Variants in YTHDF3 observed in about 807,000 individuals in gnomAD.
YTHDF3 encodes the protein YTH domain-containing family protein 3.
Under a neutral mutation model 52.5 loss-of-function variants are expected in YTHDF3, and 9 were observed. That is an observed-to-expected ratio of 0.17 (90% CI 0.10 to 0.30). The LOEUF is 0.30. YTHDF3 is among the 10% of genes least tolerant of loss of function. The pLI, the probability that YTHDF3 is intolerant of heterozygous loss-of-function variation, is 1.00. For missense variants in YTHDF3, 534 were observed against 715.0 expected (o/e 0.75, Z 2.89); for synonymous variants, 274 against 243.3 (o/e 1.13, Z -1.18).
chr8:63,169,444 A>G (rs1472438352), intron 2 of YTHDF3, 33 bp downstream of exon 2: 1 of 1,568,676 alleles, frequency 6.4e-7, no homozygotes, highest in Admixed American at 1.9e-5. Context: ...CTTATTGCTC[A>G]ATGTTGCCTT....
At chr8:63,169,113 C>T in intron 1 of YTHDF3, 3 of 1,394,274 alleles carry the variant, frequency 2.2e-6, no homozygotes, top group Non-Finnish European at 2.8e-6. Context: ...CGGGTGGGGG[C>T]AAGGACCGGT....
chr8:63,201,545 C>A (rs1809644794), intron 4 of YTHDF3, among the ~76,000 whole-genome samples: 1 of 152,118 alleles, frequency 6.6e-6, no homozygotes, highest in Non-Finnish European at 1.5e-5. Context: ...TTGAGTTAAT[C>A]ATTTTCATTG....
At chr8:63,174,963 A>G (rs1807587322) in intron 2 of YTHDF3, among the ~76,000 whole-genome samples, 1 of 152,180 alleles carries the variant, frequency 6.6e-6, no homozygotes, top group African/African-American at 2.4e-5. Context: ...ATTGCCTACA[A>G]CGCTACTTGA....
At chr8:63,175,546 G>A (rs1807629378) in intron 3 of YTHDF3, 130 bp downstream of exon 3, 3 of 673,264 alleles carry the variant, frequency 4.5e-6, no homozygotes, top group Non-Finnish European at 7.5e-6. Context: ...TATATAGTAA[G>A]TGAGTAGTGA....
chr8:63,173,223 T>TATATATATATATATCTA (rs1554533399), intron 2 of YTHDF3, among the ~76,000 whole-genome samples: 1 of 144,016 alleles, frequency 6.9e-6, no homozygotes, highest in Admixed American at 7.0e-5. Context: ...TACAGATAAA[T>TATATATATATATATCTA]TTTAAGTAAG....
At chr8:63,173,314 G>A (rs1807469589) in intron 2 of YTHDF3, among the ~76,000 whole-genome samples, 1 of 149,532 alleles carries the variant, frequency 6.7e-6, no homozygotes, top group Non-Finnish European at 1.5e-5. Flanking sequence ...CATAATCATA[G>A]CTCAGTGTAA....
chr8:63,190,296 C>T (rs1808831624), intron 4 of YTHDF3, among the ~76,000 whole-genome samples: 1 of 150,674 alleles, frequency 6.6e-6, no homozygotes. Context: ...AATCACCCTT[C>T]TGTGTCTTTT....
chr8:63,192,714 G>A (rs906658603), intron 4 of YTHDF3, among the ~76,000 whole-genome samples: 15 of 151,972 alleles, frequency 9.9e-5, no homozygotes, highest in African/African-American at 3.6e-4. Flanking sequence ...GGTCATTTTA[G>A]TGCTGAAGGA....
In YTHDF3 at chr8:63,186,193, A is replaced by G; in HGVS notation, c.182A>G (p.Tyr61Cys). 1 of 1,614,002 alleles carries G rather than the reference A, an allele frequency of 6.2e-7. No homozygotes were observed. The highest frequency in any genetic ancestry group is 8.5e-7 in the Non-Finnish European group (1 of 1,179,872). The change falls in exon 4 of 5, where the codon TAT becomes TGT. Residue 61 changes from tyrosine (Y) to cysteine (C), a missense_variant. Transcript: ENST00000539294. Reference sequence around the variant, plus strand: ...TCAGATCCATACATGCCTAGTTACTATGCTCCATCCATTGGATTTCCATAT... The same window carrying G: ...TCAGATCCATACATGCCTAGTTACTGTGCTCCATCCATTGGATTTCCATAT... ...PMSDPYMPSY[Y>C]APSIGFPYSL...
At chr8:63,204,287 C>T (rs1033047197) in intron 4 of YTHDF3, among the ~76,000 whole-genome samples, 1 of 151,870 alleles carries the variant, frequency 6.6e-6, no homozygotes, top group Non-Finnish European at 1.5e-5. Flanking sequence ...GACCATTTCT[C>T]CCTTAATTAA....
At chr8:63,185,872 C>T (rs1308715944) in intron 3 of YTHDF3, among the ~76,000 whole-genome samples, 2 of 152,130 alleles carry the variant, frequency 1.3e-5, no homozygotes, top group East Asian at 1.9e-4. Context: ...GAGGGCCTGG[C>T]TCTTCAAACA....
At chr8:63,199,131 TTTG>T (rs1323903566) in intron 4 of YTHDF3, among the ~76,000 whole-genome samples, 3 of 152,180 alleles carry the variant, frequency 2.0e-5, no homozygotes, top group Admixed American at 6.5e-5. Context: ...AACATATTGA[TTTG>T]TTTTTATTTT....
At chr8:63,194,372 C>T (rs1809102446) in intron 4 of YTHDF3, among the ~76,000 whole-genome samples, 2 of 152,172 alleles carry the variant, frequency 1.3e-5, no homozygotes, top group South Asian at 4.1e-4. Context: ...GTAATCCCAT[C>T]TACTCGGGAG....
upstream of YTHDF3, chr8:63,168,609 C>T (rs2129930394): frequency 1.0e-5 from 6 of 595,526 alleles, no homozygotes; most frequent in South Asian, 9.9e-5. Context: ...CAGGGAGGCT[C>T]GGAGCGGAAG....
At chr8:63,174,289 G>A (rs1807543231) in intron 2 of YTHDF3, among the ~76,000 whole-genome samples, 1 of 152,136 alleles carries the variant, frequency 6.6e-6, no homozygotes, top group South Asian at 2.1e-4. Flanking sequence ...TTTACATAGT[G>A]CCACCTCATC....
chr8:63,178,448 G>A (rs1232439496), intron 3 of YTHDF3, among the ~76,000 whole-genome samples: 1 of 152,206 alleles, frequency 6.6e-6, no homozygotes, highest in Non-Finnish European at 1.5e-5. Flanking sequence ...ATTTACCTTA[G>A]TGAACCCAAA....
chr8:63,189,920 C>A (rs1009828502), intron 4 of YTHDF3, among the ~76,000 whole-genome samples: 3 of 152,090 alleles, frequency 2.0e-5, no homozygotes, highest in African/African-American at 7.2e-5. Context: ...TGTGTTTTCT[C>A]CCACTTAAAT....
At chr8:63,198,747 T>C (rs998947074) in intron 4 of YTHDF3, among the ~76,000 whole-genome samples, 1 of 152,198 alleles carries the variant, frequency 6.6e-6, no homozygotes, top group African/African-American at 2.4e-5. Flanking sequence ...TCCCTGGCAG[T>C]TTTTAGTAAC....
chr8:63,187,443 G>A lies in YTHDF3; in HGVS notation c.1432G>A (p.Glu478Lys). Residue 478 changes from glutamate to lysine, a missense_variant, in exon 4 of 5, where the codon GAA (glutamate) becomes AAA (lysine). Glu to Lys is a moderately conservative substitution (Grantham distance 56). This residue lies in a region of YTHDF3 where 135 missense variants were observed against 214.2 expected (regional missense o/e 0.63). Transcript: ENST00000539294. The part of the protein sequence containing the change: ...NGSGHFCGVA[E>K]MKSVVDYNAY... ...CAGTGGACATTTTTGTGGAGTGGCTGAAATGAAGTCTGTTGTGGACTATAA... is the reference window on the plus strand; with the variant it reads ...CAGTGGACATTTTTGTGGAGTGGCTAAAATGAAGTCTGTTGTGGACTATAA... The A allele has an allele frequency of 6.2e-7, 1 of 1,614,032 alleles. No individual in the cohort carries two copies. Among genetic ancestry groups the A allele is most frequent in the Non-Finnish European group, 8.5e-7 (1 of 1,179,896 alleles).
Sources: allele counts gnomAD v4.1 joint callset (sites outside exome capture counted in the v4.1 genomes callset), GRCh38; gene constraint gnomAD v4.1.1; regional missense constraint gnomAD v4.1.1; transcripts MANE v1.5; gene names NCBI Gene and HGNC (gene_info 2026-07-23, HGNC 2026-07-21).